MORC1: variants seen among roughly 807,000 people sequenced by gnomAD.
MORC1 encodes the protein MORC family CW-type zinc finger 1, also known as MORC family CW-type zinc finger protein 1.
In MORC1, 59 loss-of-function variants were observed where a neutral mutation model predicts 134.9. The observed-to-expected ratio is 0.44, with a 90% CI of 0.35 to 0.54. The LOEUF is 0.54. Ranked by LOEUF, MORC1 falls within the 20% of genes least tolerant of loss-of-function variation. The probability of loss-of-function intolerance (pLI) is 0.00; values close to 1 mark genes in which losing one functional copy is unlikely to be tolerated. For synonymous variants in MORC1, 395 were observed against 391.7 expected (o/e 1.01, Z -0.10); for missense variants, 947 against 1,134.5 (o/e 0.83, Z 2.37).
chr3:109,019,445 C>G (rs1948903400), intron 17 of MORC1, among the ~76,000 whole-genome samples: 1 of 152,176 alleles, frequency 6.6e-6, no homozygotes, highest in African/African-American at 2.4e-5. Context: ...CTGAGCCAAA[C>G]TGAAAATAGA....
At chr3:109,061,496 G>C (rs1333294266) in intron 11 of MORC1, among the ~76,000 whole-genome samples, 1 of 152,172 alleles carries the variant, frequency 6.6e-6, no homozygotes, top group Non-Finnish European at 1.5e-5. Flanking sequence ...TAAGCTGGAA[G>C]CATTCTTATT....
intron 12 of MORC1, among the ~76,000 whole-genome samples, chr3:109,057,992 T>C (rs577260301): frequency 6.6e-6 from 1 of 152,340 alleles, no homozygotes; most frequent in South Asian, 2.1e-4. Flanking sequence ...AAAGCAAGTT[T>C]ACAAGGGCAA....
intron 13 of MORC1, 96 bp downstream of exon 13, chr3:109,057,247 C>A: frequency 1.6e-6 from 2 of 1,287,916 alleles, no homozygotes; most frequent in Non-Finnish European, 2.1e-6. Context: ...GACACTTGCT[C>A]CCATTGTGAT....
intron 8 of MORC1, among the ~76,000 whole-genome samples, chr3:109,085,455 G>A (rs557989803): frequency 4.6e-5 from 7 of 152,210 alleles, no homozygotes; most frequent in East Asian, 3.9e-4. Context: ...CAAAAGACCC[G>A]AATAGACATT....
At chr3:109,088,351 T>A (rs974962933) in intron 8 of MORC1, among the ~76,000 whole-genome samples, 2 of 152,094 alleles carry the variant, frequency 1.3e-5, no homozygotes, top group African/African-American at 4.8e-5. Flanking sequence ...ATATCGAGCA[T>A]CTGTAAGAAA....
At chr3:109,000,479 T>C in intron 21 of MORC1, 78 bp downstream of exon 21, 3 of 1,097,722 alleles carry the variant, frequency 2.7e-6, no homozygotes, top group Non-Finnish European at 2.6e-6. Context: ...TTCCACTACT[T>C]TGAGACACTA....
At chr3:109,034,891 GGT>G (rs1300772579) in intron 15 of MORC1, among the ~76,000 whole-genome samples, 2 of 152,066 alleles carry the variant, frequency 1.3e-5, no homozygotes, top group Non-Finnish European at 2.9e-5. Context: ...TGCGACCACA[GGT>G]GTGCACTATC....
chr3:109,117,390 T>C (rs894032160), intron 1 of MORC1, among the ~76,000 whole-genome samples: 9 of 148,064 alleles, frequency 6.1e-5, no homozygotes, highest in African/African-American at 2.2e-4. Context: ...CCACTGTGAA[T>C]TAAATAGCAC....
At chr3:108,982,681 T>G (rs1216610953) in intron 23 of MORC1, among the ~76,000 whole-genome samples, 2 of 147,266 alleles carry the variant, frequency 1.4e-5, no homozygotes, top group African/African-American at 5.1e-5. Context: ...TATACCTATG[T>G]AACAAACCCA....
At chr3:109,111,582 A>G (rs77621069) in intron 2 of MORC1, among the ~76,000 whole-genome samples, 7,597 of 152,284 alleles carry the variant, frequency 0.05, 565 homozygotes, top group African/African-American at 0.16. Context: ...TTAATAGAAA[A>G]GAAGAAAAGG....
chr3:109,053,532 C>A (rs947113660), intron 14 of MORC1, among the ~76,000 whole-genome samples: 3 of 148,546 alleles, frequency 2.0e-5, no homozygotes, highest in African/African-American at 5.0e-5. Flanking sequence ...AAAAAAAAAA[C>A]CAAATACCAC....
At chr3:109,039,570 A>T (rs2107628452) in intron 14 of MORC1, among the ~76,000 whole-genome samples, 1 of 152,288 alleles carries the variant, frequency 6.6e-6, no homozygotes, top group Admixed American at 6.5e-5. Context: ...AAGGCTTACA[A>T]CTTTCAGGGG....
chr3:108,994,780 T>G (rs1948153962), intron 21 of MORC1, among the ~76,000 whole-genome samples: 2 of 152,100 alleles, frequency 1.3e-5, no homozygotes, highest in African/African-American at 2.4e-5. Flanking sequence ...TTTATTCCCC[T>G]GGTGTTCCTC....
intron 24 of MORC1, 127 bp downstream of exon 24, chr3:108,979,388 C>T (rs1246887676): frequency 4.9e-6 from 5 of 1,026,230 alleles, no homozygotes; most frequent in Non-Finnish European, 7.2e-6. Flanking sequence ...AGTTAGGAGA[C>T]AAGTCATAAT....
At chr3:109,012,757 T>C (rs994260539) in intron 17 of MORC1, among the ~76,000 whole-genome samples, 6 of 152,240 alleles carry the variant, frequency 3.9e-5, no homozygotes, top group Admixed American at 2.0e-4. Flanking sequence ...TGATTTTGTG[T>C]CCTGCAACCT....
chr3:108,997,251 A>G lies in MORC1; in HGVS notation c.2187+3306T>C, dbSNP rs142950158. On this transcript the variant is annotated intron_variant, in intron 21 of 27. Coordinates refer to ENST00000232603, the MANE Select transcript of MORC1 (RefSeq NM_014429.4). ...GTGGTTTTTAAAAATTGCTTCAACA[A>G]GGCTGGGCATGGGGCTCATGCCTGT... Among the ~76,000 whole-genome samples, 909 of 152,048 alleles carry G rather than the reference A, an allele frequency of 6.0e-3. 5 individuals are homozygous for G. The highest frequency in any genetic ancestry group is 0.021 in the East Asian group (106 of 5,112).
chr3:109,075,582 C>T (rs570225070), intron 8 of MORC1, among the ~76,000 whole-genome samples: 59 of 152,242 alleles, frequency 3.9e-4, no homozygotes, highest in African/African-American at 1.3e-3. Context: ...CTGTTTTTGT[C>T]AGGTTTGTCA....
intron 16 of MORC1, 84 bp from the exon 17 acceptor site, chr3:109,027,973 G>C: frequency 7.0e-7 from 1 of 1,424,432 alleles, no homozygotes; most frequent in Non-Finnish European, 9.5e-7. Flanking sequence ...ACTTCTACAA[G>C]GAGTTACTCT....
At chr3:109,055,668 A>ACATT (rs1335778563) in intron 13 of MORC1, among the ~76,000 whole-genome samples, 21 of 152,180 alleles carry the variant, frequency 1.4e-4, no homozygotes, top group African/African-American at 4.8e-4. Flanking sequence ...CTCTAACATA[A>ACATT]CATTCATTCA....
Sources: allele counts gnomAD v4.1 joint callset (sites outside exome capture counted in the v4.1 genomes callset), GRCh38; gene constraint gnomAD v4.1.1; transcripts MANE v1.5; gene names NCBI Gene and HGNC (gene_info 2026-07-23, HGNC 2026-07-21).